The following CNTN2 variants were observed in gnomAD, a reference collection of about 807,000 sequenced individuals.
CNTN2 encodes the protein contactin 2.
Under a neutral mutation model 117.5 loss-of-function variants are expected in CNTN2, and 53 were observed. The ratio of observed to expected loss-of-function variants is 0.45; its 90% confidence interval spans 0.36 to 0.57. The LOEUF is 0.57. Ranked by LOEUF, CNTN2 falls within the 20% of genes least tolerant of loss-of-function variation. The probability of loss-of-function intolerance (pLI) is 0.00; values close to 1 mark genes in which losing one functional copy is unlikely to be tolerated. For synonymous variants in CNTN2, 530 were observed against 561.7 expected, an observed-to-expected ratio of 0.94 and a Z score of 0.80; for missense variants, 1,106 against 1,404.3, an observed-to-expected ratio of 0.79 and a Z score of 3.39.
Position 205,061,725 on chromosome 1 carries a change from C to T in CNTN2, c.974-140C>T, listed in dbSNP as rs918292322. The T allele has an allele frequency of 5.1e-6, 6 of 1,169,168 alleles. No homozygotes were observed. In the Admixed American group the frequency reaches 1.3e-4, roughly 25 times the overall value. The allele number at this position is 1,169,168 out of a possible 1,614,324, so 72.4% of individuals were successfully genotyped here. ...TGCCTCCTTCTTCCGGCCCCCTCCT[C>T]TTTGTCCTCTCCATCTCAGAATGCT... On this transcript the variant is annotated intron_variant, in intron 8 of 22. Transcript: ENST00000331830. This position sits in a 1 kb window ranked among gnomAD's most constrained non-coding sequence, Gnocchi z 4.8.
At position 205,075,368 on chromosome 1, in the gene CNTN2, C is replaced by CCCAAGAGGCCAAAGCAAGAGCAGATT. The variant is rs1558559781; in HGVS notation, c.*1609_*1610insGGCCAAAGCAAGAGCAGATTCCAAGA. ...AGCTCCCTGTCCCCCTCACTCTTGC[C>CCCAAGAGGCCAAAGCAAGAGCAGATT]CCAAGAAAAGAGGCCAAAGCAAGAG... On this transcript the variant is annotated 3_prime_UTR_variant, in exon 23 of 23. Coordinates refer to ENST00000331830, the MANE Select transcript of CNTN2 (RefSeq NM_005076.5). 1.3e-5 allele frequency: 2 copies of CCCAAGAGGCCAAAGCAAGAGCAGATT among 153,234 alleles called. No individual in the cohort carries two copies. 9.5% of individuals were successfully genotyped at this position (153,234 alleles called of 1,614,324 possible). A position where few individuals can be genotyped will look rare whatever the true frequency, so the allele number is the denominator to read the frequency against.
At chr1:205,066,368 T>G in intron 14 of CNTN2, 73 bp from the exon 15 acceptor site, 1 of 1,553,990 alleles carries the variant, frequency 6.4e-7, no homozygotes, top group East Asian at 2.3e-5. Context: ...AGCTCAAGCC[T>G]GGCTGGGAGG....
Position 205,070,507 on chromosome 1 carries a change from A to G in CNTN2, c.2513A>G (p.Gln838Arg). Reference sequence around the variant, plus strand: ...AACGTGACCTGGGAACCCGTGCAGCAGGACATGAATGGTATCCTCCTGGGG... The same window carrying G: ...AACGTGACCTGGGAACCCGTGCAGCGGGACATGAATGGTATCCTCCTGGGG... ...EMNVTWEPVQ[Q>R]DMNGILLGYE... The change falls in exon 19 of 23, where the codon CAG becomes CGG. Residue 838 changes from glutamine (Q) to arginine (R), a missense_variant. Coordinates refer to ENST00000331830, the MANE Select transcript of CNTN2 (RefSeq NM_005076.5). 1 of 1,613,976 alleles carries G rather than the reference A, an allele frequency of 6.2e-7. No individual in the cohort carries two copies. The highest frequency in any genetic ancestry group is 8.5e-7 in the Non-Finnish European group (1 of 1,179,932).
At chr1:205,067,539 G>A in intron 16 of CNTN2, 1 of 295,590 alleles carries the variant, frequency 3.4e-6, no homozygotes, top group Non-Finnish European at 6.3e-6. Context: ...AAAGTTCGGA[G>A]AAAGGAAGAG....
rs2096444972 is a variant in CNTN2 at position 205,048,158 on chromosome 1, G to A, written c.-87+4764G>A. Among the ~76,000 whole-genome samples the A allele has an allele frequency of 6.6e-6, 1 of 152,154 alleles. No individual in the cohort carries two copies. Among genetic ancestry groups the A allele is most frequent in the Admixed American group, 6.5e-5 (1 of 15,284 alleles). ...CTCCCCTTTGCTACCACCATCCATC[G>A]GAAGTTGCCAAATCTCTCATTGCTC... On this transcript the variant is annotated intron_variant, in intron 1 of 22. Coordinates refer to ENST00000331830, the MANE Select transcript of CNTN2 (RefSeq NM_005076.5). The surrounding 1 kb of genome is among the most constrained non-coding windows in gnomAD (Gnocchi z 4.1).
At position 205,061,329 on chromosome 1, in the gene CNTN2, C is replaced by T. The variant is rs759534454; in HGVS notation, c.882C>T (p.Pro294=). 2 of 1,614,106 alleles carry T rather than the reference C, an allele frequency of 1.2e-6. No individual in the cohort carries two copies. Among genetic ancestry groups the T allele is most frequent in the Middle Eastern group, 1.7e-4 (1 of 6,060 alleles). ...WTTAEPTLQI[P]SVSFEDEGTY... is the part of the protein sequence containing the mutation. ...CAGCTGAGCCCACCCTGCAGATCCC[C>T]AGCGTCAGCTTTGAGGATGAGGGCA... Residue 294 remains proline (P), a synonymous_variant, in exon 8 of 23, where the codon CCC becomes CCT. Coordinates refer to ENST00000331830, the MANE Select transcript of CNTN2 (RefSeq NM_005076.5). The surrounding 1 kb of genome is among the most constrained non-coding windows in gnomAD (Gnocchi z 4.8).
In CNTN2 at chr1:205,065,044, A is replaced by G. The variant is rs766742354; in HGVS notation, c.1520-43A>G. On this transcript the variant is annotated intron_variant, in intron 12 of 22. Transcript: ENST00000331830. This position sits in a 1 kb window ranked among gnomAD's most constrained non-coding sequence, Gnocchi z 4.1. ...TGCCCTGCGGACCCGGCCTGGGCCCATTTCCTCCCCCATCCACCCAAGGGC... is the reference window on the plus strand; with the variant it reads ...TGCCCTGCGGACCCGGCCTGGGCCCGTTTCCTCCCCCATCCACCCAAGGGC... The G allele has an allele frequency of 1.9e-6, 3 of 1,604,592 alleles. No homozygotes were observed. Among genetic ancestry groups the G allele is most frequent in the Non-Finnish European group, 2.6e-6 (3 of 1,174,422 alleles).
At chr1:205,063,503 C>T (rs1327003802) in intron 10 of CNTN2, 4 of 151,968 alleles carry the variant, frequency 2.6e-5, no homozygotes, top group Non-Finnish European at 2.9e-5. Flanking sequence ...GTAGCACACA[C>T]GTGTAGTCCC....
At chr1:205,051,993 C>T (rs1291827645) in intron 1 of CNTN2, among the ~76,000 whole-genome samples, 1 of 152,186 alleles carries the variant, frequency 6.6e-6, no homozygotes, top group Non-Finnish European at 1.5e-5. Context: ...TCACCAGAGC[C>T]AGAACACTGA....
chr1:205,064,287 G>A, intron 10 of CNTN2, 35 bp from the exon 11 acceptor site: 1 of 1,529,034 alleles, frequency 6.5e-7, no homozygotes, highest in Non-Finnish European at 8.8e-7. Context: ...AAGGGTGACA[G>A]TACTTTTCTC....
intron 1 of CNTN2, among the ~76,000 whole-genome samples, chr1:205,052,138 T>C (rs1369834247): frequency 6.6e-6 from 1 of 152,146 alleles, no homozygotes; most frequent in Non-Finnish European, 1.5e-5. Context: ...CAGCAGAATC[T>C]GCAGCCGGGC....
Position 205,073,335 on chromosome 1 carries a change from C to A in CNTN2, c.3013+99C>A, listed in dbSNP as rs895733033. ...ACCCAGGCCAACTCCAATCTCTACC[C>A]GCAAAGGAAAGTGGAAGGCAGGCAG... On this transcript the variant is annotated intron_variant, in intron 22 of 22. Transcript: ENST00000331830. This position sits in a 1 kb window ranked among gnomAD's most constrained non-coding sequence, Gnocchi z 6.3. 1.4e-6 allele frequency: 2 copies of A among 1,426,720 alleles called. No individual in the cohort carries two copies. The highest frequency in any genetic ancestry group is 1.4e-5 in the African/African-American group (1 of 70,534). 88.4% of individuals were successfully genotyped at this position (1,426,720 alleles called of 1,614,324 possible). A position where few individuals can be genotyped will look rare whatever the true frequency, so the allele number is the denominator to read the frequency against.
chr1:205,044,687 C>T (rs1289258339), intron 1 of CNTN2, among the ~76,000 whole-genome samples: 4 of 152,194 alleles, frequency 2.6e-5, no homozygotes, highest in Non-Finnish European at 4.4e-5. Flanking sequence ...ACTTAGCCTC[C>T]GAGTCTCTCT....
In CNTN2 at chr1:205,059,063, C is replaced by T; in HGVS notation, c.488-21C>T. Reference sequence around the variant, plus strand: ...TGTTAGCCCAGCACCCCCTGGTTTCCTCAAACTCCTCACATCCTAGGCTTG... The same window carrying T: ...TGTTAGCCCAGCACCCCCTGGTTTCTTCAAACTCCTCACATCCTAGGCTTG... On this transcript the variant is annotated intron_variant, in intron 5 of 22. Coordinates refer to ENST00000331830, the MANE Select transcript of CNTN2 (RefSeq NM_005076.5). This position sits in a 1 kb window ranked among gnomAD's most constrained non-coding sequence, Gnocchi z 5.6. 1 of 1,613,306 alleles carries T rather than the reference C, an allele frequency of 6.2e-7. No homozygotes were observed. Among genetic ancestry groups the T allele is most frequent in the Non-Finnish European group, 8.5e-7 (1 of 1,179,334 alleles).
intron 1 of CNTN2, among the ~76,000 whole-genome samples, chr1:205,043,986 G>C (rs1394081284): frequency 1.3e-5 from 2 of 152,170 alleles, no homozygotes; most frequent in Non-Finnish European, 2.9e-5. Context: ...TCGGGGAGGA[G>C]AGTCCTGAGG....
chr1:205,058,586 AG>A lies in CNTN2; in HGVS notation c.412del (p.Glu138ArgfsTer6). On this transcript the variant is annotated frameshift_variant, in exon 5 of 23. Coordinates refer to ENST00000331830, the MANE Select transcript of CNTN2 (RefSeq NM_005076.5). LOFTEE classifies it high-confidence loss of function. This position sits in a 1 kb window ranked among gnomAD's most constrained non-coding sequence, Gnocchi z 4.3. Reference protein sequence around the residue: ...LRFGFLQEFSKEERDPVKAHE... With the variant: ...LRFGFLQEFSXEERDPVKAHE... ...CCTCCAGTTCTGCAGGAATTCTCCA[AG>A]GAGGAGCGAGACCCAGTGAAAGCTC... is the stretch of plus-strand genomic sequence containing the variant. 6.2e-7 allele frequency: 1 copy of A among 1,613,898 alleles called. No individual in the cohort carries two copies. Among genetic ancestry groups the A allele is most frequent in the Non-Finnish European group, 8.5e-7 (1 of 1,179,998 alleles).
intron 2 of CNTN2, among the ~76,000 whole-genome samples, chr1:205,055,935 T>G (rs1044859960): frequency 6.6e-6 from 1 of 152,144 alleles, no homozygotes. Flanking sequence ...TATATAAAAG[T>G]CTCCATGGCC....
At position 205,048,020 on chromosome 1, in the gene CNTN2, A is replaced by T. The variant is rs2096444683; in HGVS notation, c.-87+4626A>T. Among the ~76,000 whole-genome samples the T allele has an allele frequency of 6.6e-6, 1 of 152,180 alleles. No homozygotes were observed. The highest frequency in any genetic ancestry group is 2.4e-5 in the African/African-American group (1 of 41,434). On this transcript the variant is annotated intron_variant, in intron 1 of 22. Coordinates refer to ENST00000331830, the MANE Select transcript of CNTN2 (RefSeq NM_005076.5). The surrounding 1 kb of genome is among the most constrained non-coding windows in gnomAD (Gnocchi z 4.1). Reference sequence around the variant, plus strand: ...GGTTGACTCAATGGCCTGCCCTGTTAACCAGTGTGCTGTTTTATAGGATAG... The same window carrying T: ...GGTTGACTCAATGGCCTGCCCTGTTTACCAGTGTGCTGTTTTATAGGATAG...
intron 2 of CNTN2, among the ~76,000 whole-genome samples, chr1:205,055,943 G>A (rs905062262): frequency 1.3e-5 from 2 of 152,096 alleles, no homozygotes; most frequent in Admixed American, 1.3e-4. Context: ...AGTCTCCATG[G>A]CCATCTATAG....
Sources: allele counts gnomAD v4.1 joint callset (sites outside exome capture counted in the v4.1 genomes callset), GRCh38; gene constraint gnomAD v4.1.1; non-coding constraint Gnocchi (gnomAD v3.1); transcripts MANE v1.5; gene names NCBI Gene and HGNC (gene_info 2026-07-23, HGNC 2026-07-21).